NRG1: variants seen among roughly 807,000 people sequenced by gnomAD.
NRG1 encodes the protein neuregulin 1.
Under a neutral mutation model 63.8 loss-of-function variants are expected in NRG1, and 18 were observed. That is an observed-to-expected ratio of 0.28 (90% CI 0.19 to 0.42). The LOEUF is 0.42. Among genes scored for constraint, NRG1 ranks in the 10% least tolerant of loss-of-function variants. NRG1 has a pLI of 1.00. For missense variants in NRG1, 762 were observed against 814.7 expected, an observed-to-expected ratio of 0.94 and a Z score of 0.79; for synonymous variants, 302 against 301.3, an observed-to-expected ratio of 1.00 and a Z score of -0.02.
chr8:32,752,291 TC>T (rs1167323430), intron 7 of NRG1, among the ~76,000 whole-genome samples: 1 of 152,142 alleles, frequency 6.6e-6, no homozygotes, highest in Admixed American at 6.5e-5. Context: ...AGCAGCAGCT[TC>T]AACCAGATAA....
intron 5 of NRG1, among the ~76,000 whole-genome samples, chr8:32,664,802 G>A (rs541755797): frequency 4.6e-5 from 7 of 152,184 alleles, no homozygotes; most frequent in South Asian, 2.1e-4. Flanking sequence ...GTAATTTAGC[G>A]GTTGTTAGAT....
At chr8:31,654,484 CGTGTAAT>C (rs2130901991) in intron 1 of NRG1, among the ~76,000 whole-genome samples, 1 of 152,348 alleles carries the variant, frequency 6.6e-6, no homozygotes, top group South Asian at 2.1e-4. Flanking sequence ...AATCATGATA[CGTGTAAT>C]GTGCCTTTCG....
chr8:32,380,893 T>C (rs1040716398), intron 1 of NRG1, among the ~76,000 whole-genome samples: 1 of 152,160 alleles, frequency 6.6e-6, no homozygotes, highest in East Asian at 1.9e-4. Context: ...TTTAAAAGTA[T>C]TTGTCTTTTT....
intron 1 of NRG1, among the ~76,000 whole-genome samples, chr8:32,111,143 G>A (rs1831968128): frequency 6.6e-6 from 1 of 151,974 alleles, no homozygotes; most frequent in African/African-American, 2.4e-5. Context: ...TTGAGACAGA[G>A]TCTCACTCTG....
chr8:32,155,972 A>T (rs1838017966), intron 1 of NRG1, among the ~76,000 whole-genome samples: 1 of 152,184 alleles, frequency 6.6e-6, no homozygotes, highest in Non-Finnish European at 1.5e-5. Flanking sequence ...AGCAGTCAAA[A>T]GGGTTATTTC....
chr8:32,602,128 CA>C (rs1304174394), intron 2 of NRG1, among the ~76,000 whole-genome samples: 2 of 152,076 alleles, frequency 1.3e-5, no homozygotes, highest in East Asian at 3.9e-4. Flanking sequence ...ATTCCATGGC[CA>C]CATGTCATGG....
chr8:32,086,925 T>C (rs556029893), intron 1 of NRG1, among the ~76,000 whole-genome samples: 9 of 152,198 alleles, frequency 5.9e-5, no homozygotes, highest in Non-Finnish European at 8.8e-5. Flanking sequence ...TTTAACACTT[T>C]ACATTTTAAG....
chr8:31,971,850 C>T (rs1340100381), intron 1 of NRG1, among the ~76,000 whole-genome samples: 4 of 152,152 alleles, frequency 2.6e-5, no homozygotes, highest in Non-Finnish European at 5.9e-5. Flanking sequence ...GTAAACTTCA[C>T]TTGTCATCTC....
intron 1 of NRG1, among the ~76,000 whole-genome samples, chr8:32,268,272 A>G (rs756182022): frequency 6.6e-6 from 1 of 152,224 alleles, no homozygotes; most frequent in Non-Finnish European, 1.5e-5. Flanking sequence ...AGAAACAAGC[A>G]TAACTGAGTC....
intron 1 of NRG1, among the ~76,000 whole-genome samples, chr8:31,763,686 C>T (rs1207260972): frequency 2.0e-5 from 3 of 152,216 alleles, no homozygotes; most frequent in Non-Finnish European, 4.4e-5. Context: ...CACAGTGGCT[C>T]ACGCCTGTGA....
intron 1 of NRG1, among the ~76,000 whole-genome samples, chr8:32,241,622 A>G (rs1266956306): frequency 1.3e-5 from 2 of 152,338 alleles, no homozygotes; most frequent in East Asian, 3.9e-4. Context: ...AAAATGAATT[A>G]ACAAATTAAA....
At chr8:32,565,995 A>G (rs531804919) in intron 1 of NRG1, among the ~76,000 whole-genome samples, 1 of 152,084 alleles carries the variant, frequency 6.6e-6, no homozygotes, top group African/African-American at 2.4e-5. Context: ...CAGCCTGTGC[A>G]CACCTAGGCA....
At chr8:32,009,351 A>G (rs1409897719) in intron 1 of NRG1, among the ~76,000 whole-genome samples, 1 of 152,042 alleles carries the variant, frequency 6.6e-6, no homozygotes, top group Non-Finnish European at 1.5e-5. Flanking sequence ...ACAATGGTTA[A>G]CTTTACATTC....
At chr8:32,085,373 A>C (rs1049871454) in intron 1 of NRG1, among the ~76,000 whole-genome samples, 1 of 152,120 alleles carries the variant, frequency 6.6e-6, no homozygotes, top group Non-Finnish European at 1.5e-5. Flanking sequence ...TGCTTCTATG[A>C]GTTTGACTAT....
chr8:32,425,079 T>C (rs1817184963), intron 1 of NRG1, among the ~76,000 whole-genome samples: 1 of 152,234 alleles, frequency 6.6e-6, no homozygotes, highest in Non-Finnish European at 1.5e-5. Context: ...TGATTTACTA[T>C]ATATCAGTAG....
chr8:32,019,571 G>A (rs866750626), intron 1 of NRG1, among the ~76,000 whole-genome samples: 5 of 152,068 alleles, frequency 3.3e-5, no homozygotes, highest in African/African-American at 4.8e-5. Context: ...CCTTTTTTGT[G>A]TTTAGTTCTT....
intron 1 of NRG1, among the ~76,000 whole-genome samples, chr8:31,925,774 A>G (rs1834312978): frequency 6.6e-6 from 1 of 152,250 alleles, no homozygotes; most frequent in Non-Finnish European, 1.5e-5. Context: ...TCAATTATAG[A>G]ACTTTCTGTT....
intron 1 of NRG1, among the ~76,000 whole-genome samples, chr8:31,879,586 G>A (rs910563122): frequency 1.3e-5 from 2 of 152,090 alleles, no homozygotes; most frequent in African/African-American, 2.4e-5. Flanking sequence ...ATTTTTGTGG[G>A]TCATGTGAAG....
intron 1 of NRG1, among the ~76,000 whole-genome samples, chr8:31,995,045 T>C (rs1811735791): frequency 6.6e-6 from 1 of 151,988 alleles, no homozygotes; most frequent in African/African-American, 2.4e-5. Context: ...CATCTTTTGT[T>C]TTTCTAAAGT....
Sources: allele counts gnomAD v4.1 joint callset (sites outside exome capture counted in the v4.1 genomes callset), GRCh38; gene constraint gnomAD v4.1.1; transcripts MANE v1.5; gene names NCBI Gene and HGNC (gene_info 2026-07-23, HGNC 2026-07-21).